Variants in HSD17B3 observed in about 807,000 individuals in gnomAD.
HSD17B3 encodes the protein hydroxysteroid 17-beta dehydrogenase 3.
A neutral mutation model predicts 41.1 loss-of-function variants in HSD17B3; 29 were observed. That is an observed-to-expected ratio of 0.71 (90% CI 0.53 to 0.96). HSD17B3 has a LOEUF of 0.96. Ranked by LOEUF, HSD17B3 falls within the 40% of genes least tolerant of loss-of-function variation. HSD17B3 has a pLI of 0.00. For synonymous variants in HSD17B3, 126 were observed against 145.6 expected (o/e 0.87, Z 0.97); for missense variants, 323 against 374.6 (o/e 0.86, Z 1.14).
At chr9:96,265,978 T>G (rs1486849905) in intron 2 of HSD17B3, among the ~76,000 whole-genome samples, 2 of 152,200 alleles carry the variant, frequency 1.3e-5, no homozygotes, top group Non-Finnish European at 2.9e-5. Flanking sequence ...CCTTTGAAAG[T>G]TGGCTCTTTG....
At position 96,251,461 on chromosome 9, in the gene HSD17B3, T is replaced by C. The variant is rs1181298867; in HGVS notation, c.410A>G (p.Asn137Ser). 1.5e-5 allele frequency: 25 copies of C among 1,614,082 alleles called. No individual in the cohort carries two copies. Among genetic ancestry groups the C allele is most frequent in the Non-Finnish European group, 2.0e-5 (24 of 1,180,006 alleles). Reference protein sequence around the residue: ...ILVNNVGMLPNLLPSHFLNAP... With the variant: ...ILVNNVGMLPSLLPSHFLNAP... ...GTTCAGGAAATGGCTTGGGAGAAGG[T>C]TTGGAAGCATTCCGACATTGTTGAC... Residue 137 changes from asparagine (N) to serine (S), a missense_variant, in exon 5 of 11, where the codon AAC (asparagine) becomes AGC (serine). Transcript: ENST00000375263.
At chr9:96,280,504 G>C (rs1423287176) in intron 2 of HSD17B3, among the ~76,000 whole-genome samples, 1 of 152,168 alleles carries the variant, frequency 6.6e-6, no homozygotes, top group Non-Finnish European at 1.5e-5. Context: ...AATTTATCCA[G>C]GGTTCTGGCA....
At chr9:96,300,713 C>T (rs1484784289) in intron 1 of HSD17B3, among the ~76,000 whole-genome samples, 2 of 152,034 alleles carry the variant, frequency 1.3e-5, no homozygotes, top group African/African-American at 4.8e-5. Flanking sequence ...ACCATGGCCT[C>T]ATGCTCTTCA....
intron 5 of HSD17B3, chr9:96,250,484 A>T: frequency 9.5e-7 from 1 of 1,056,690 alleles, no homozygotes; most frequent in Non-Finnish European, 1.1e-6. Flanking sequence ...ACGATGGGAT[A>T]CCTGCAGAAG....
At position 96,240,796 on chromosome 9, in the gene HSD17B3, C is replaced by T; in HGVS notation, c.784G>A (p.Gly262Arg). Reference sequence around the variant, plus strand: ...GCAAGGCAGCCACAGGTTTCACCTCCAATTGTGACATAATTCAATGACTCT... The same window carrying T: ...GCAAGGCAGCCACAGGTTTCACCTCTAATTGTGACATAATTCAATGACTCT... The part of the protein sequence containing the change: ...VKESLNYVTI[G>R]GETCGCLAHE... Residue 262 changes from glycine to arginine, a missense_variant, in exon 10 of 11, where the codon GGA (glycine) becomes AGA (arginine). By Grantham distance (125) the Gly-to-Arg change is moderately radical. Coordinates refer to ENST00000375263, the MANE Select transcript of HSD17B3 (RefSeq NM_000197.2). The T allele has an allele frequency of 1.2e-6, 2 of 1,614,198 alleles. No homozygotes were observed. Among genetic ancestry groups the T allele is most frequent in the South Asian group, 2.2e-5 (2 of 91,082 alleles).
rs1158193512 is a variant in HSD17B3 at position 96,254,886 on chromosome 9, C to T, written c.259G>A (p.Ala87Thr). Residue 87 changes from alanine (A) to threonine (T), a missense_variant, in exon 3 of 11, where the codon GCC (alanine) becomes ACC (threonine). Physicochemically the swap from Ala to Thr is moderately conservative, Grantham distance 58. Coordinates refer to ENST00000375263, the MANE Select transcript of HSD17B3 (RefSeq NM_000197.2). ...LISRTLEKLE[A>T]IATEIERTTG... is the part of the protein sequence containing the mutation. Reference sequence around the variant, plus strand: ...CACTCACCGATCTCTGTGGCAATGGCCTCTAGTTTTTCCAGCGTCCGGCTA... The same window carrying T: ...CACTCACCGATCTCTGTGGCAATGGTCTCTAGTTTTTCCAGCGTCCGGCTA... 3 of 1,614,042 alleles carry T rather than the reference C, an allele frequency of 1.9e-6. No individual in the cohort carries two copies. Among genetic ancestry groups the T allele is most frequent in the Admixed American group, 3.3e-5 (2 of 60,000 alleles).
At chr9:96,235,779 T>G (rs8190569) in intron 10 of HSD17B3, among the ~76,000 whole-genome samples, 2,351 of 152,304 alleles carry the variant, frequency 0.015, 30 homozygotes, top group Non-Finnish European at 0.025. Flanking sequence ...TTTAAACTCC[T>G]TTGGACGACC....
intron 3 of HSD17B3, among the ~76,000 whole-genome samples, chr9:96,253,595 C>G (rs975131678): frequency 6.6e-6 from 1 of 152,166 alleles, no homozygotes; most frequent in African/African-American, 2.4e-5. Context: ...TCTGGTCACT[C>G]CACGTTCAAT....
At chr9:96,298,882 G>C (rs1429336904) in intron 1 of HSD17B3, among the ~76,000 whole-genome samples, 1 of 152,116 alleles carries the variant, frequency 6.6e-6, no homozygotes, top group East Asian at 1.9e-4. Context: ...GTCATTGTAA[G>C]GACATTTCAA....
intron 2 of HSD17B3, among the ~76,000 whole-genome samples, chr9:96,272,449 A>AT (rs1564048703): frequency 5.1e-5 from 5 of 98,820 alleles, no homozygotes; most frequent in African/African-American, 1.9e-4. Context: ...ATATATATAA[A>AT]ATATATATGA....
chr9:96,265,399 G>A (rs1826014631), intron 2 of HSD17B3, among the ~76,000 whole-genome samples: 2 of 152,192 alleles, frequency 1.3e-5, no homozygotes, highest in Admixed American at 6.5e-5. Flanking sequence ...GCTAACATAT[G>A]TCTTTGAGAG....
chr9:96,267,130 G>C (rs1453232447), intron 2 of HSD17B3, among the ~76,000 whole-genome samples: 1 of 150,674 alleles, frequency 6.6e-6, no homozygotes, highest in Non-Finnish European at 1.5e-5. Flanking sequence ...GAGCAACTTA[G>C]TGGAACAGCG....
intron 2 of HSD17B3, among the ~76,000 whole-genome samples, chr9:96,281,853 C>A (rs1051265900): frequency 3.3e-5 from 5 of 152,210 alleles, no homozygotes; most frequent in Non-Finnish European, 7.3e-5. Context: ...TCGCCTCCCC[C>A]ACCCTGCCTC....
intron 8 of HSD17B3, among the ~76,000 whole-genome samples, chr9:96,245,100 G>C (rs1168687320): frequency 6.6e-6 from 1 of 152,214 alleles, no homozygotes; most frequent in Non-Finnish European, 1.5e-5. Flanking sequence ...GGCTCCCAGA[G>C]GAGGTGAGTG....
chr9:96,272,405 C>CTCTCTCTCTCTCTCTCTATA (rs1239816824), intron 2 of HSD17B3, among the ~76,000 whole-genome samples: 3 of 21,520 alleles, frequency 1.4e-4, no homozygotes, highest in Admixed American at 6.4e-4. Context: ...CTCTCTCTCT[C>CTCTCTCTCTCTCTCTCTATA]TATATATATA....
intron 2 of HSD17B3, among the ~76,000 whole-genome samples, chr9:96,286,305 C>T (rs1434794390): frequency 6.6e-6 from 1 of 151,890 alleles, no homozygotes; most frequent in Non-Finnish European, 1.5e-5. Context: ...GATCACACCA[C>T]TGCGCTCTAG....
chr9:96,246,259 T>G (rs941164040), intron 7 of HSD17B3, among the ~76,000 whole-genome samples: 3 of 151,770 alleles, frequency 2.0e-5, no homozygotes, highest in Non-Finnish European at 4.4e-5. Context: ...TCTGAAGTTT[T>G]CTTTTACACT....
intron 2 of HSD17B3, among the ~76,000 whole-genome samples, chr9:96,261,017 G>A (rs1825837617): frequency 6.6e-6 from 1 of 151,668 alleles, no homozygotes; most frequent in South Asian, 2.1e-4. Context: ...CTCCTTTTTT[G>A]CCTGAATTAG....
intron 2 of HSD17B3, among the ~76,000 whole-genome samples, chr9:96,282,343 A>G (rs1379749604): frequency 6.6e-6 from 1 of 152,232 alleles, no homozygotes; most frequent in African/African-American, 2.4e-5. Context: ...TAAAAAGTGT[A>G]ATGTCTTTTA....
Sources: gnomAD v4.1 joint callset for allele counts (sites outside exome capture counted in the v4.1 genomes callset) on GRCh38, gnomAD v4.1.1 for gene constraint, MANE v1.5 for transcripts, NCBI Gene and HGNC (gene_info 2026-07-23, HGNC 2026-07-21) for gene names.